The following GRIP1 variants were observed in gnomAD, a reference collection of about 807,000 sequenced individuals.
The protein encoded by GRIP1 is glutamate receptor interacting protein 1.
In GRIP1, 45 loss-of-function variants were observed where a neutral mutation model predicts 129.9. That is an observed-to-expected ratio of 0.35 (90% CI 0.27 to 0.44). The LOEUF is 0.44. GRIP1 is among the 20% of genes least tolerant of loss of function. GRIP1 has a pLI of 1.00. For missense variants in GRIP1, 1,196 were observed against 1,396.8 expected (o/e 0.86, Z 2.29); for synonymous variants, 530 against 520.8 (o/e 1.02, Z -0.24).
chr12:66,406,311 G>T lies in GRIP1; in HGVS notation c.1956C>A (p.Leu652=). 6.2e-7 allele frequency: 1 copy of T among 1,614,130 alleles called. No individual in the cohort carries two copies. Among genetic ancestry groups the T allele is most frequent in the East Asian group, 2.2e-5 (1 of 44,876 alleles). The part of the protein sequence containing the change: ...ILQQCEDLVK[L]KIRKDEDNSD... ...AATTATCTTCATCTTTGCGGATTTTGAGCTTCACCAGGTCTTCACATTGCT... is the reference window on the plus strand; with the variant it reads ...AATTATCTTCATCTTTGCGGATTTTTAGCTTCACCAGGTCTTCACATTGCT... The change falls in exon 16 of 25, where the codon CTC becomes CTA. Residue 652 remains leucine, a synonymous_variant. Coordinates refer to ENST00000359742, the MANE Select transcript of GRIP1 (RefSeq NM_001366722.1).
rs775150197 is a variant in GRIP1, at chr12:66,678,914, C to A, written c.-10G>T. The stretch of plus-strand genomic sequence containing the variant: ...AAGAGACAGCTATCATTCTTGCTCA[C>A]TGCTTTCTGTGGCAAAGTGTACTCA... On this transcript the variant is annotated 5_prime_UTR_variant, in exon 1 of 25. Coordinates refer to ENST00000359742, the MANE Select transcript of GRIP1 (RefSeq NM_001366722.1). The A allele has an allele frequency of 1.2e-6, 2 of 1,613,330 alleles. No homozygotes were observed. Among genetic ancestry groups the A allele is most frequent in the Non-Finnish European group, 1.7e-6 (2 of 1,179,514 alleles).
chr12:66,459,107 T>C (rs1448260811), intron 9 of GRIP1, among the ~76,000 whole-genome samples: 1 of 152,262 alleles, frequency 6.6e-6, no homozygotes, highest in Non-Finnish European at 1.5e-5. Context: ...ACTTTGCCTG[T>C]CTTGCTCACT....
In GRIP1 at chr12:66,608,499, A is replaced by T. The variant is rs530124845; in HGVS notation, c.56-11572T>A. On this transcript the variant is annotated intron_variant, in intron 1 of 24. Coordinates refer to ENST00000359742, the MANE Select transcript of GRIP1 (RefSeq NM_001366722.1). ...AGGTGCATACCACCATGACTGGCTA[A>T]TTTTTATATTTTTAGTAGAGATGGG... Among the ~76,000 whole-genome samples, 367 of 152,150 alleles carry T rather than the reference A, an allele frequency of 2.4e-3. 2 individuals are homozygous for T. The highest frequency in any genetic ancestry group is 8.6e-3 in the African/African-American group (356 of 41,512).
At chr12:66,537,186 T>C (rs982424393) in intron 4 of GRIP1, among the ~76,000 whole-genome samples, 1 of 152,168 alleles carries the variant, frequency 6.6e-6, no homozygotes, top group Admixed American at 6.5e-5. Context: ...TAATTAATCC[T>C]CATAACAAAT....
chr12:67,043,606 AC>A (rs1270559509), intron 1 of GRIP1, among the ~76,000 whole-genome samples: 1 of 152,064 alleles, frequency 6.6e-6, no homozygotes, highest in Non-Finnish European at 1.5e-5. Flanking sequence ...CTTTTCTTCT[AC>A]GCCCCCCATT....
At chr12:66,666,761 G>C (rs138358268) in intron 1 of GRIP1, among the ~76,000 whole-genome samples, 1 of 151,812 alleles carries the variant, frequency 6.6e-6, no homozygotes, top group African/African-American at 2.4e-5. Flanking sequence ...TTTTTTCTAA[G>C]AGCATGTGTT....
chr12:66,581,532 A>G (rs1226337838), intron 2 of GRIP1, among the ~76,000 whole-genome samples: 2 of 136,634 alleles, frequency 1.5e-5, no homozygotes, highest in African/African-American at 5.4e-5. Context: ...AAAAAAAGAG[A>G]GAAGAATCAA....
intron 1 of GRIP1, among the ~76,000 whole-genome samples, chr12:66,750,847 A>T (rs569039246): frequency 1.3e-5 from 2 of 152,222 alleles, no homozygotes; most frequent in Non-Finnish European, 2.9e-5. Context: ...TCACCAAATG[A>T]CAGATATCAA....
At chr12:66,996,897 C>G (rs537718143) in intron 1 of GRIP1, among the ~76,000 whole-genome samples, 1 of 152,240 alleles carries the variant, frequency 6.6e-6, no homozygotes, top group Non-Finnish European at 1.5e-5. Context: ...CTGCCAGAGG[C>G]TGCTCACTTA....
chr12:66,764,346 T>A (rs570210894), intron 1 of GRIP1, among the ~76,000 whole-genome samples: 2 of 152,236 alleles, frequency 1.3e-5, no homozygotes, highest in African/African-American at 2.4e-5. Context: ...GTTTAGCTAC[T>A]GGATCATCAC....
intron 1 of GRIP1, among the ~76,000 whole-genome samples, chr12:66,827,546 A>G (rs1412679636): frequency 6.6e-6 from 1 of 152,150 alleles, no homozygotes; most frequent in Admixed American, 6.5e-5. Flanking sequence ...GGTTGGAAGC[A>G]AGTCACAGGT....
In GRIP1 at chr12:66,902,435, GA is replaced by G. The variant is rs1233143466; in HGVS notation, c.58+166614del. On this transcript the variant is annotated intron_variant, in intron 1 of 1. Coordinates refer to the GRIP1 transcript ENST00000643019. ...GGATGGTTTCAGGCAAAGATTCTGG[GA>G]TGGTGCAGAAGTATGTGAACACCAC... Among the ~76,000 whole-genome samples, 3 of 152,120 alleles carry G rather than the reference GA, an allele frequency of 2.0e-5. No homozygotes were observed. The East Asian group carries it at 5.8e-4, about 29-fold the overall frequency.
chr12:66,446,882 C>T (rs540625418), intron 11 of GRIP1, among the ~76,000 whole-genome samples: 2 of 152,172 alleles, frequency 1.3e-5, no homozygotes, highest in Non-Finnish European at 2.9e-5. Context: ...ATATCTGAAT[C>T]CCCCTTGTTG....
At chr12:66,602,591 C>T (rs1939485206) in intron 1 of GRIP1, among the ~76,000 whole-genome samples, 1 of 152,084 alleles carries the variant, frequency 6.6e-6, no homozygotes, top group South Asian at 2.1e-4. Flanking sequence ...ATGGAGTGGT[C>T]CATACAGCTA....
intron 14 of GRIP1, among the ~76,000 whole-genome samples, chr12:66,422,598 G>A (rs867955637): frequency 6.6e-5 from 10 of 151,936 alleles, no homozygotes; most frequent in African/African-American, 2.2e-4. Flanking sequence ...AAAAATCCAT[G>A]TTCCACTGAA....
chr12:66,748,122 G>A (rs1170223529), intron 1 of GRIP1, among the ~76,000 whole-genome samples: 2 of 151,914 alleles, frequency 1.3e-5, no homozygotes, highest in Non-Finnish European at 2.9e-5. Context: ...GGGTTTAAGC[G>A]ATTCTCCTGC....
intron 1 of GRIP1, among the ~76,000 whole-genome samples, chr12:66,993,745 C>G (rs1163557708): frequency 7.0e-6 from 1 of 143,300 alleles, no homozygotes; most frequent in African/African-American, 2.6e-5. Context: ...GAGCCGAGAT[C>G]ATGCCACTGC....
chr12:66,452,051 T>C (rs1049790283), intron 11 of GRIP1, among the ~76,000 whole-genome samples: 4 of 152,218 alleles, frequency 2.6e-5, no homozygotes, highest in African/African-American at 9.6e-5. Flanking sequence ...GCAAAGACCA[T>C]TCTGGAAATG....
chr12:66,879,748 T>C (rs1592924717), intron 1 of GRIP1, among the ~76,000 whole-genome samples: 2 of 152,158 alleles, frequency 1.3e-5, no homozygotes, highest in African/African-American at 4.8e-5. Flanking sequence ...GCAGTGCATA[T>C]TTTTTAAATT....
Sources: gnomAD v4.1 joint callset for allele counts (sites outside exome capture counted in the v4.1 genomes callset) on GRCh38, gnomAD v4.1.1 for gene constraint, MANE v1.5 for transcripts, NCBI Gene and HGNC (gene_info 2026-07-23, HGNC 2026-07-21) for gene names.